The following DHX35 variants were observed in gnomAD, a reference collection of about 807,000 sequenced individuals.
DHX35 encodes probable ATP-dependent RNA helicase DHX35.
In DHX35, 84 loss-of-function variants were observed where a neutral mutation model predicts 99.6. The ratio of observed to expected loss-of-function variants is 0.84; its 90% confidence interval spans 0.71 to 1.01. DHX35 has a LOEUF of 1.01. Among genes scored for constraint, DHX35 ranks in the 50% least tolerant of loss-of-function variants. DHX35 has a pLI of 0.00. For synonymous variants in DHX35, 331 were observed against 316.2 expected (o/e 1.05, Z -0.50); for missense variants, 852 against 888.5 (o/e 0.96, Z 0.52).
Position 38,992,407 on chromosome 20 carries a change from C to T in DHX35, c.564C>T (p.Ala188=). The change falls in exon 7 of 22, where the codon GCC becomes GCT. Residue 188 remains alanine, a synonymous_variant. Transcript: ENST00000252011. ...AHERTLYTDI[A]IGLLKKIQKK... is the part of the protein sequence containing the mutation. ...AGAGGACCTTGTACACTGACATTGCCATTGGCTTGCTAAAAAAGGTATGAC... is the reference window on the plus strand; with the variant it reads ...AGAGGACCTTGTACACTGACATTGCTATTGGCTTGCTAAAAAAGGTATGAC... 6.2e-7 allele frequency: 1 copy of T among 1,614,006 alleles called. No homozygotes were observed. Among genetic ancestry groups the T allele is most frequent in the South Asian group, 1.1e-5 (1 of 91,062 alleles).
chr20:38,972,130 G>A (rs1221195449), intron 2 of DHX35, among the ~76,000 whole-genome samples: 8 of 150,698 alleles, frequency 5.3e-5, no homozygotes, highest in Admixed American at 2.0e-4. Context: ...CTGCCTTAGC[G>A]TCCTGAGTAG....
chr20:39,004,717 T>C (rs182435209), intron 11 of DHX35, among the ~76,000 whole-genome samples: 1 of 152,364 alleles, frequency 6.6e-6, no homozygotes, highest in East Asian at 1.9e-4. Flanking sequence ...CCAGTCCACC[T>C]GGGCCTGACT....
chr20:39,004,054 T>C, intron 11 of DHX35, 147 bp downstream of exon 11: 2 of 948,126 alleles, frequency 2.1e-6, no homozygotes, highest in Non-Finnish European at 3.1e-6. Context: ...CAATAAATAA[T>C]ACATTGTGAA....
At chr20:39,034,743 C>T (rs983335318) in intron 21 of DHX35, among the ~76,000 whole-genome samples, 43 of 150,710 alleles carry the variant, frequency 2.9e-4, no homozygotes, top group Admixed American at 2.6e-3. Flanking sequence ...TGTGCCACCA[C>T]GTCTGGCTCA....
chr20:38,962,756 C>T, intron 1 of DHX35: 1 of 314,434 alleles, frequency 3.2e-6, no homozygotes, highest in Non-Finnish European at 5.9e-6. Context: ...GCGCTGTGGC[C>T]CGACAGACAA....
chr20:38,969,003 C>G, intron 1 of DHX35, 78 bp from the exon 2 acceptor site: 1 of 1,431,664 alleles, frequency 7.0e-7, no homozygotes, highest in South Asian at 1.5e-5. Context: ...ATATCTTCAT[C>G]TTTGAAAGTT....
Position 39,039,684 on chromosome 20 carries a change from G to C in DHX35, c.*1141G>C, listed in dbSNP as rs1254761704. On this transcript the variant is annotated 3_prime_UTR_variant, in exon 22 of 22. Coordinates refer to ENST00000252011, the MANE Select transcript of DHX35 (RefSeq NM_021931.4). ...TAATAGTGATAACTTGTTAATAATAGTAAACCTTTATACCTAAAGTAAATG... is the reference window on the plus strand; with the variant it reads ...TAATAGTGATAACTTGTTAATAATACTAAACCTTTATACCTAAAGTAAATG... 2.6e-5 allele frequency: 4 copies of C among 152,112 alleles called. No homozygotes were observed. Among genetic ancestry groups the C allele is most frequent in the African/African-American group, 9.7e-5 (4 of 41,396 alleles). 9.4% of individuals were successfully genotyped at this position (152,112 alleles called of 1,614,324 possible).
chr20:39,002,169 G>A (rs2086531545), intron 9 of DHX35, among the ~76,000 whole-genome samples: 1 of 152,218 alleles, frequency 6.6e-6, no homozygotes, highest in African/African-American at 2.4e-5. Context: ...GGCAGTATTG[G>A]TGATTTGAAT....
chr20:39,018,516 A>G (rs1431099860), intron 14 of DHX35, among the ~76,000 whole-genome samples: 2 of 151,794 alleles, frequency 1.3e-5, no homozygotes, highest in African/African-American at 2.4e-5. Context: ...GAGAGGGTAC[A>G]AGCAGGAGAA....
At chr20:39,019,682 A>G (rs975924666) in intron 15 of DHX35, among the ~76,000 whole-genome samples, 22 of 152,182 alleles carry the variant, frequency 1.4e-4, no homozygotes, top group Admixed American at 1.3e-3. Context: ...ATATTCACCA[A>G]CTCACCAACT....
At position 38,962,515 on chromosome 20, in the gene DHX35, C is replaced by T. The variant is rs3752294; in HGVS notation, c.40+108C>T. The T allele has an allele frequency of 3.5e-5, 49 of 1,385,992 alleles. No homozygotes were observed. The East Asian group carries it at 9.1e-4, about 26-fold the overall frequency. 85.9% of individuals were successfully genotyped at this position (1,385,992 alleles called of 1,614,324 possible). A position where few individuals can be genotyped will look rare whatever the true frequency, so the allele number is the denominator to read the frequency against. On this transcript the variant is annotated intron_variant, in intron 1 of 21. Coordinates refer to ENST00000252011, the MANE Select transcript of DHX35 (RefSeq NM_021931.4). Reference sequence around the variant, plus strand: ...GACCTGCTCGCAGGCCTGACCTCGGCGAGCTGGGCGCTGCCGCCTCTGTGC... The same window carrying T: ...GACCTGCTCGCAGGCCTGACCTCGGTGAGCTGGGCGCTGCCGCCTCTGTGC...
At chr20:38,969,404 A>AT (rs1464548992) in intron 2 of DHX35, among the ~76,000 whole-genome samples, 190 bp downstream of exon 2, 6 of 152,090 alleles carry the variant, frequency 3.9e-5, no homozygotes, top group Non-Finnish European at 7.4e-5. Flanking sequence ...AGTCCTTAAG[A>AT]TTTTTTCAGT....
chr20:39,034,062 G>A (rs1023014720), intron 20 of DHX35, 144 bp from the exon 21 acceptor site: 7 of 634,174 alleles, frequency 1.1e-5, no homozygotes, highest in Non-Finnish European at 2.0e-5. Context: ...GCTGTGGTGA[G>A]CAACATAAAT....
intron 14 of DHX35, among the ~76,000 whole-genome samples, chr20:39,016,715 G>A (rs2086791081): frequency 2.6e-5 from 4 of 152,270 alleles, no homozygotes; most frequent in Middle Eastern, 6.8e-3. Flanking sequence ...AGCCATCCTA[G>A]TGGGTGTGAA....
intron 12 of DHX35, among the ~76,000 whole-genome samples, chr20:39,006,862 T>C (rs1379042327): frequency 6.6e-6 from 1 of 152,248 alleles, no homozygotes; most frequent in Non-Finnish European, 1.5e-5. Context: ...CTGTGCATCA[T>C]GCTAGGCTCT....
At chr20:39,024,014 T>C (rs1448827820) in intron 17 of DHX35, among the ~76,000 whole-genome samples, 2 of 152,212 alleles carry the variant, frequency 1.3e-5, no homozygotes, top group Admixed American at 1.3e-4. Flanking sequence ...TATGGTACAC[T>C]AGTGGCAGGC....
chr20:38,994,077 G>A (rs1469909969), intron 7 of DHX35, among the ~76,000 whole-genome samples: 1 of 152,122 alleles, frequency 6.6e-6, no homozygotes, highest in Non-Finnish European at 1.5e-5. Context: ...ACATAAGTTA[G>A]TCTGTATTAG....
chr20:39,030,807 G>A (rs566173636), intron 20 of DHX35, 32 bp downstream of exon 20: 4 of 1,604,202 alleles, frequency 2.5e-6, no homozygotes, highest in Non-Finnish European at 3.4e-6. Context: ...GCCTGTGCCT[G>A]CTTTGAACAG....
At position 39,006,277 on chromosome 20, in the gene DHX35, A is replaced by G. The variant is rs1292752950; in HGVS notation, c.1143A>G (p.Pro381=). Reference sequence around the variant, plus strand: ...CTATTGAATGCTTGGTGGTGGTGCCAGTCTCCCAGGCATCAGCTAATCAGC... The same window carrying G: ...CTATTGAATGCTTGGTGGTGGTGCCGGTCTCCCAGGCATCAGCTAATCAGC... ...RTAIECLVVV[P]VSQASANQRA... Residue 381 remains proline (P), a synonymous_variant, in exon 12 of 22, where the codon CCA becomes CCG. Transcript: ENST00000252011. The G allele has an allele frequency of 2.5e-6, 4 of 1,614,026 alleles. No individual in the cohort carries two copies. The highest frequency in any genetic ancestry group is 3.4e-6 in the Non-Finnish European group (4 of 1,180,028).
Sources: allele counts gnomAD v4.1 joint callset (sites outside exome capture counted in the v4.1 genomes callset), GRCh38; gene constraint gnomAD v4.1.1; transcripts MANE v1.5; gene names NCBI Gene and HGNC (gene_info 2026-07-23, HGNC 2026-07-21).